The following LRIF1 variants were observed in gnomAD, a reference collection of about 807,000 sequenced individuals.
LRIF1 encodes ligand-dependent nuclear receptor-interacting factor 1.
In LRIF1, 32 loss-of-function variants were observed where a neutral mutation model predicts 52.7. That is an observed-to-expected ratio of 0.61 (90% CI 0.46 to 0.82). The LOEUF is 0.82. Among genes scored for constraint, LRIF1 ranks in the 40% least tolerant of loss-of-function variants. The pLI is 0.00. For synonymous variants in LRIF1, 323 were observed against 317.4 expected, an observed-to-expected ratio of 1.02 and a Z score of -0.19; for missense variants, 887 against 892.0, an observed-to-expected ratio of 0.99 and a Z score of 0.07.
the LRIF1 span, among the ~76,000 whole-genome samples, chr1:110,890,673 A>T: frequency 6.6e-6 from 1 of 152,260 alleles, no homozygotes; most frequent in Non-Finnish European, 1.5e-5. Context: ...GACATTGGAC[A>T]TTGATGTCCT....
the LRIF1 span, among the ~76,000 whole-genome samples, chr1:110,883,998 G>A: frequency 6.6e-6 from 1 of 151,800 alleles, no homozygotes; most frequent in East Asian, 1.9e-4. Context: ...TTTTAAAATT[G>A]TTCTTCTGTT....
At chr1:110,956,854 G>A (rs1658719568) in intron 1 of LRIF1, among the ~76,000 whole-genome samples, 1 of 152,180 alleles carries the variant, frequency 6.6e-6, no homozygotes, top group Non-Finnish European at 1.5e-5. Flanking sequence ...AAGTTATCTT[G>A]AAGCCTACTT....
the LRIF1 span, chr1:110,899,771 GA>G: frequency 1.0e-4 from 16 of 152,764 alleles, no homozygotes; most frequent in African/African-American, 2.9e-4. Context: ...AGTCTTTCCA[GA>G]AAAAAACTAT....
chr1:110,903,869 G>A, the LRIF1 span, among the ~76,000 whole-genome samples: 9 of 152,300 alleles, frequency 5.9e-5, no homozygotes, highest in African/African-American at 2.2e-4. Flanking sequence ...GGCATCTCTG[G>A]ACCTGCCCTG....
the LRIF1 span, chr1:110,896,630 C>G: frequency 6.2e-7 from 1 of 1,608,186 alleles, no homozygotes; most frequent in Non-Finnish European, 8.5e-7. Context: ...TAACCATCAT[C>G]ATTTTGGGGG....
intron 1 of LRIF1, 169 bp from the exon 2 acceptor site, chr1:110,952,984 T>C (rs1205985186): frequency 6.8e-6 from 2 of 295,368 alleles, no homozygotes; most frequent in Non-Finnish European, 1.2e-5. Flanking sequence ...GTAGAAGAGA[T>C]AATGATATAG....
chr1:110,958,577 T>C (rs973533374), intron 1 of LRIF1, among the ~76,000 whole-genome samples: 2 of 152,206 alleles, frequency 1.3e-5, no homozygotes, highest in Non-Finnish European at 2.9e-5. Context: ...TCTATATTTC[T>C]GCTTTATAAA....
At chr1:110,952,985 A>G (rs2101112009) in intron 1 of LRIF1, 170 bp from the exon 2 acceptor site, 1 of 294,874 alleles carries the variant, frequency 3.4e-6, no homozygotes, top group Admixed American at 5.0e-5. Context: ...TAGAAGAGAT[A>G]ATGATATAGT....
At chr1:110,940,499 A>G in the LRIF1 span, 1 of 152,244 alleles carries the variant, frequency 6.6e-6, no homozygotes. Flanking sequence ...CCAAAAAAAG[A>G]AATCAGTATA....
At chr1:110,892,229 A>G in the LRIF1 span, 1 of 804,482 alleles carries the variant, frequency 1.2e-6, no homozygotes, top group Non-Finnish European at 2.2e-6. Flanking sequence ...TGTTCATGAG[A>G]CTCTTGATTG....
the LRIF1 span, among the ~76,000 whole-genome samples, chr1:110,914,208 G>C: frequency 6.6e-6 from 1 of 152,058 alleles, no homozygotes; most frequent in Non-Finnish European, 1.5e-5. Context: ...TGAGTACTAT[G>C]CTCACTCCCT....
the LRIF1 span, among the ~76,000 whole-genome samples, chr1:110,933,484 C>T: frequency 1.3e-5 from 2 of 152,156 alleles, no homozygotes; most frequent in Admixed American, 6.5e-5. Context: ...CCCAAACCCC[C>T]CAACAGCAGC....
the LRIF1 span, among the ~76,000 whole-genome samples, chr1:110,878,964 A>G: frequency 1.3e-5 from 2 of 151,176 alleles, no homozygotes; most frequent in Admixed American, 1.3e-4. Flanking sequence ...AACATTTTCA[A>G]TTTGTTCTAA....
At chr1:110,962,612 T>G (rs1557845023) in intron 1 of LRIF1, among the ~76,000 whole-genome samples, 1 of 152,188 alleles carries the variant, frequency 6.6e-6, no homozygotes, top group Non-Finnish European at 1.5e-5. Flanking sequence ...ACGACGTATT[T>G]TACATTATTT....
intron 3 of LRIF1, 95 bp from the exon 4 acceptor site, chr1:110,948,494 A>G: frequency 4.1e-6 from 6 of 1,458,614 alleles, no homozygotes; most frequent in Non-Finnish European, 5.4e-6. Context: ...AGAAACAAAT[A>G]TCTAGCTATT....
chr1:110,950,473 T>A (rs971975416), intron 2 of LRIF1, among the ~76,000 whole-genome samples: 3 of 152,226 alleles, frequency 2.0e-5, no homozygotes, highest in Non-Finnish European at 2.9e-5. Context: ...ATGCCTTTAA[T>A]CGATCTTGTA....
downstream of LRIF1, chr1:110,942,210 G>A (rs1215055220): frequency 2.6e-5 from 4 of 152,090 alleles, no homozygotes; most frequent in Non-Finnish European, 4.4e-5. Context: ...CATCAGCAAT[G>A]TATGAATGTA....
the LRIF1 span, among the ~76,000 whole-genome samples, chr1:110,928,775 C>A: frequency 6.6e-6 from 1 of 152,060 alleles, no homozygotes; most frequent in Admixed American, 6.6e-5. Flanking sequence ...ATTTAACAAC[C>A]AGCAAGCAGC....
chr1:110,952,576 G>C lies in LRIF1; in HGVS notation c.308C>G (p.Ser103Cys). The change falls in exon 2 of 4, where the codon TCT (serine) becomes TGT (cysteine). Residue 103 changes from serine (S) to cysteine (C), a missense_variant. Transcript: ENST00000369763. ...VQLPIFQPASSSNYFLTRTVD... is the reference protein window; with the variant it reads ...VQLPIFQPASCSNYFLTRTVD... Reference sequence around the variant, plus strand: ...TGTTCTTGTAAGAAAATAGTTTGAAGAACTGGCTGGCTGAAAAATGGGCAA... The same window carrying C: ...TGTTCTTGTAAGAAAATAGTTTGAACAACTGGCTGGCTGAAAAATGGGCAA... The C allele has an allele frequency of 6.2e-7, 1 of 1,613,920 alleles. No individual in the cohort carries two copies. Among genetic ancestry groups the C allele is most frequent in the Non-Finnish European group, 8.5e-7 (1 of 1,179,810 alleles).
Sources: gnomAD v4.1 joint callset for allele counts (sites outside exome capture counted in the v4.1 genomes callset) on GRCh38, gnomAD v4.1.1 for gene constraint, MANE v1.5 for transcripts, NCBI Gene and HGNC (gene_info 2026-07-23, HGNC 2026-07-21) for gene names.